Variants in FOXK2 observed in about 807,000 individuals in gnomAD.
FOXK2 encodes forkhead box protein K2.
Under a neutral mutation model 53.3 loss-of-function variants are expected in FOXK2, and 24 were observed. The ratio of observed to expected loss-of-function variants is 0.45; its 90% confidence interval spans 0.33 to 0.63. The LOEUF is 0.63. Among genes scored for constraint, FOXK2 ranks in the 30% least tolerant of loss-of-function variants. The pLI, the probability that FOXK2 is intolerant of heterozygous loss-of-function variation, is 0.03. For missense variants in FOXK2, 952 were observed against 910.5 expected (o/e 1.05, Z -0.59); for synonymous variants, 505 against 407.1 (o/e 1.24, Z -2.89).
intron 8 of FOXK2, among the ~76,000 whole-genome samples, chr17:82,590,940 A>G (rs1032112062): frequency 6.6e-6 from 1 of 152,070 alleles, no homozygotes; most frequent in Non-Finnish European, 1.5e-5. Flanking sequence ...TGCCTGCCCT[A>G]AGGGGGTTCC....
At chr17:82,520,577 CG>C (rs1025680501) in intron 1 of FOXK2, among the ~76,000 whole-genome samples, 2 of 152,210 alleles carry the variant, frequency 1.3e-5, no homozygotes, top group African/African-American at 4.8e-5. Context: ...GCTGCGCGCG[CG>C]GGTCAAGGTT....
At chr17:82,599,832 G>A (rs1234102019) in intron 8 of FOXK2, 2 of 152,284 alleles carry the variant, frequency 1.3e-5, no homozygotes, top group Admixed American at 6.5e-5. Flanking sequence ...GGTCTGAGAG[G>A]GCTGGCCCTT....
chr17:82,561,894 T>G (rs2044798262), intron 1 of FOXK2, among the ~76,000 whole-genome samples: 3 of 90,646 alleles, frequency 3.3e-5, no homozygotes, highest in African/African-American at 8.9e-5. Flanking sequence ...GTGGACAGAG[T>G]CTTCCTCTGT....
At chr17:82,599,368 A>AG (rs1175592674) in intron 8 of FOXK2, 1 of 152,126 alleles carries the variant, frequency 6.6e-6, no homozygotes, top group African/African-American at 2.4e-5. Context: ...AGCCTTCCAA[A>AG]GTGCTGGGAT....
chr17:82,564,086 GT>G (rs35624921), intron 2 of FOXK2, among the ~76,000 whole-genome samples: 30,564 of 120,384 alleles, frequency 0.25, 3,171 homozygotes, highest in Non-Finnish European at 0.28. Flanking sequence ...TTTTAAAGTG[GT>G]TTTTTTTTTT....
At chr17:82,587,639 G>C in intron 8 of FOXK2, 2 of 329,790 alleles carry the variant, frequency 6.1e-6, no homozygotes, top group South Asian at 5.7e-5. Flanking sequence ...CTATGCTGCT[G>C]AGGGTGGGAG....
intron 8 of FOXK2, among the ~76,000 whole-genome samples, chr17:82,596,354 C>G (rs1220443725): frequency 2.6e-5 from 4 of 151,912 alleles, no homozygotes; most frequent in Admixed American, 6.6e-5. Context: ...GTTTTCCATG[C>G]TTGGTGTAGG....
intron 1 of FOXK2, among the ~76,000 whole-genome samples, chr17:82,546,148 G>A (rs11658575): frequency 0.049 from 5,664 of 116,040 alleles, 137 homozygotes; most frequent in African/African-American, 0.061. Context: ...ATGGAGTCTC[G>A]CTTGGTCGCC....
chr17:82,573,583 C>T (rs896188929), intron 4 of FOXK2, among the ~76,000 whole-genome samples: 5 of 151,510 alleles, frequency 3.3e-5, no homozygotes, highest in African/African-American at 1.2e-4. Flanking sequence ...CACACACACA[C>T]ACACACACAC....
chr17:82,540,292 AAG>A (rs1491554362), intron 1 of FOXK2, among the ~76,000 whole-genome samples: 1 of 152,012 alleles, frequency 6.6e-6, no homozygotes, highest in African/African-American at 2.4e-5. Flanking sequence ...AAAAAAAAAA[AAG>A]AGTTACCTTT....
intron 4 of FOXK2, among the ~76,000 whole-genome samples, chr17:82,580,426 C>T (rs111772080): frequency 1.4e-5 from 1 of 73,518 alleles, no homozygotes; most frequent in Non-Finnish European, 2.7e-5. Context: ...ACACATGGCC[C>T]AGCCCACCTC....
intron 6 of FOXK2, 152 bp from the exon 7 acceptor site, chr17:82,585,752 T>G: frequency 2.7e-6 from 2 of 733,436 alleles, no homozygotes; most frequent in Non-Finnish European, 4.4e-6. Flanking sequence ...ACCTCCCTCA[T>G]TATTAGTAAC....
rs1253999528 is a variant in FOXK2 at position 82,563,676 on chromosome 17, T to C, written c.614+128T>C. Reference sequence around the variant, plus strand: ...ATGTGAGGTGGTGTTTAAAATATCATTGGATTTCTGCTCTGAATTTCCTGC... The same window carrying C: ...ATGTGAGGTGGTGTTTAAAATATCACTGGATTTCTGCTCTGAATTTCCTGC... On this transcript the variant is annotated intron_variant, in intron 2 of 8. Coordinates refer to ENST00000335255, the MANE Select transcript of FOXK2 (RefSeq NM_004514.4). 16 of 780,264 alleles carry C rather than the reference T, an allele frequency of 2.1e-5. No homozygotes were observed. The East Asian group carries it at 3.2e-4, about 16-fold the overall frequency. 48.3% of individuals were successfully genotyped at this position (780,264 alleles called of 1,614,324 possible).
chr17:82,572,007 G>T, intron 4 of FOXK2, 137 bp downstream of exon 4: 1 of 777,820 alleles, frequency 1.3e-6, no homozygotes, highest in Non-Finnish European at 1.9e-6. Context: ...AGAGGAAGAG[G>T]AGTTGGGGGC....
At chr17:82,589,145 C>T (rs994164954) in intron 8 of FOXK2, among the ~76,000 whole-genome samples, 1 of 152,092 alleles carries the variant, frequency 6.6e-6, no homozygotes, top group African/African-American at 2.4e-5. Flanking sequence ...TTTAATTTTT[C>T]ACTATTGAAA....
chr17:82,555,929 G>A (rs2044720481), intron 1 of FOXK2, among the ~76,000 whole-genome samples: 1 of 145,756 alleles, frequency 6.9e-6, no homozygotes, highest in Non-Finnish European at 1.5e-5. Flanking sequence ...AATAGGTCAT[G>A]GTCAGCACAA....
chr17:82,559,815 A>T (rs950512483), intron 1 of FOXK2, among the ~76,000 whole-genome samples: 1 of 152,226 alleles, frequency 6.6e-6, no homozygotes, highest in Non-Finnish European at 1.5e-5. Context: ...CTTATTAAAA[A>T]GCTTTAGAGC....
At chr17:82,522,638 T>C (rs1291907522) in intron 1 of FOXK2, among the ~76,000 whole-genome samples, 1 of 151,930 alleles carries the variant, frequency 6.6e-6, no homozygotes, top group Non-Finnish European at 1.5e-5. Context: ...CCCAAAGTGC[T>C]GCGATTACAG....
chr17:82,523,249 C>G (rs1267230789), intron 1 of FOXK2, among the ~76,000 whole-genome samples: 1 of 143,076 alleles, frequency 7.0e-6, no homozygotes, highest in African/African-American at 2.5e-5. Context: ...GCCTGGGACT[C>G]TCTACCCGTA....
Sources: gnomAD v4.1 joint callset for allele counts (sites outside exome capture counted in the v4.1 genomes callset) on GRCh38, gnomAD v4.1.1 for gene constraint, MANE v1.5 for transcripts, NCBI Gene and HGNC (gene_info 2026-07-23, HGNC 2026-07-21) for gene names.